The following SLC22A15 variants were observed in gnomAD, a reference collection of about 807,000 sequenced individuals.
SLC22A15 encodes flipt 1.
SLC22A15 carries 45 observed loss-of-function variants against 62.7 expected under a neutral mutation model. The ratio of observed to expected loss-of-function variants is 0.72; its 90% CI spans 0.56 to 0.92. SLC22A15 has a LOEUF of 0.92. SLC22A15 is among the 40% of genes least tolerant of loss of function. SLC22A15 has a pLI of 0.00. For missense variants in SLC22A15, 622 were observed against 665.6 expected, an observed-to-expected ratio of 0.93 and a Z score of 0.72; for synonymous variants, 264 against 267.0, an observed-to-expected ratio of 0.99 and a Z score of 0.11.
At chr1:115,996,531 A>C (rs1655434435) in intron 2 of SLC22A15, among the ~76,000 whole-genome samples, 1 of 149,024 alleles carries the variant, frequency 6.7e-6, no homozygotes, top group Admixed American at 6.7e-5. Context: ...ATGTTTTTAG[A>C]TTCATTAGGT....
intron 2 of SLC22A15, 81 bp downstream of exon 2, chr1:115,992,324 A>G: frequency 2.6e-6 from 3 of 1,172,458 alleles, no homozygotes; most frequent in Non-Finnish European, 3.6e-6. Context: ...TGCTGATTTA[A>G]ATATCAGCCA....
At chr1:116,029,606 G>A (rs987920089) in intron 5 of SLC22A15, among the ~76,000 whole-genome samples, 3 of 152,132 alleles carry the variant, frequency 2.0e-5, no homozygotes, top group South Asian at 2.1e-4. Flanking sequence ...ATATAAGACC[G>A]TAAGTTTTCA....
intron 8 of SLC22A15, among the ~76,000 whole-genome samples, chr1:116,038,209 G>A (rs1197813421): frequency 6.6e-6 from 1 of 152,164 alleles, no homozygotes; most frequent in African/African-American, 2.4e-5. Flanking sequence ...GATTTTGATA[G>A]GGTTCTGTTA....
At chr1:115,987,452 AG>A (rs1654928729) in intron 1 of SLC22A15, among the ~76,000 whole-genome samples, 1 of 152,048 alleles carries the variant, frequency 6.6e-6, no homozygotes, top group South Asian at 2.1e-4. Context: ...GCATGAGTCC[AG>A]CCAATGTAGA....
At chr1:116,012,459 T>A (rs1039361788) in intron 2 of SLC22A15, among the ~76,000 whole-genome samples, 1 of 152,144 alleles carries the variant, frequency 6.6e-6, no homozygotes. Flanking sequence ...TGTGCTCTAA[T>A]ACAGTAGGGA....
chr1:116,061,449 T>A (rs2101568657), intron 8 of SLC22A15, among the ~76,000 whole-genome samples: 1 of 152,258 alleles, frequency 6.6e-6, no homozygotes, highest in South Asian at 2.1e-4. Context: ...AGGACATTGC[T>A]GCTGACCTTC....
At chr1:116,012,866 G>C (rs1656341242) in intron 2 of SLC22A15, among the ~76,000 whole-genome samples, 3 of 152,152 alleles carry the variant, frequency 2.0e-5, no homozygotes, top group Non-Finnish European at 4.4e-5. Context: ...AGTGTGGAAG[G>C]ATCCTCTTTC....
intron 8 of SLC22A15, among the ~76,000 whole-genome samples, chr1:116,055,283 G>A (rs1346742333): frequency 3.9e-5 from 6 of 152,146 alleles, no homozygotes; most frequent in Non-Finnish European, 4.4e-5. Context: ...ACACCTCTAC[G>A]CAAATAAACT....
At chr1:115,990,340 C>T (rs1336999646) in intron 1 of SLC22A15, among the ~76,000 whole-genome samples, 5 of 152,198 alleles carry the variant, frequency 3.3e-5, no homozygotes, top group Non-Finnish European at 4.4e-5. Context: ...ACGTGTGTTT[C>T]GAGTCCTCTC....
chr1:116,048,123 G>T (rs1657972568), intron 8 of SLC22A15, among the ~76,000 whole-genome samples: 1 of 152,160 alleles, frequency 6.6e-6, no homozygotes, highest in African/African-American at 2.4e-5. Context: ...GTGTTCCTGA[G>T]GAAGAAGAGA....
intron 8 of SLC22A15, among the ~76,000 whole-genome samples, chr1:116,058,071 A>ATAC (rs1289009132): frequency 2.0e-5 from 3 of 151,196 alleles, no homozygotes; most frequent in Non-Finnish European, 4.4e-5. Context: ...AATAATAATA[A>ATAC]TACTGAAAAA....
chr1:116,009,835 A>G (rs1232189751), intron 2 of SLC22A15, among the ~76,000 whole-genome samples: 1 of 152,232 alleles, frequency 6.6e-6, no homozygotes, highest in African/African-American at 2.4e-5. Context: ...AAGTTAAAAA[A>G]CAAATATGAA....
At chr1:116,014,579 A>G (rs1335342741) in intron 2 of SLC22A15, among the ~76,000 whole-genome samples, 1 of 152,148 alleles carries the variant, frequency 6.6e-6, no homozygotes, top group Non-Finnish European at 1.5e-5. Flanking sequence ...TGCTTTTTCA[A>G]TTTGCAAATG....
At chr1:116,043,181 T>TG (rs1325647009) in intron 8 of SLC22A15, among the ~76,000 whole-genome samples, 2 of 152,212 alleles carry the variant, frequency 1.3e-5, no homozygotes, top group Admixed American at 1.3e-4. Flanking sequence ...CCCAGCACTT[T>TG]GGGAGGCCAA....
At chr1:116,066,862 G>A (rs1344523813) in intron 11 of SLC22A15, among the ~76,000 whole-genome samples, 154 bp downstream of exon 11, 1 of 152,196 alleles carries the variant, frequency 6.6e-6, no homozygotes, top group African/African-American at 2.4e-5. Flanking sequence ...AAGGATGATC[G>A]ATGATTCATT....
chr1:116,033,647 A>G (rs1204186164), intron 6 of SLC22A15, among the ~76,000 whole-genome samples: 1 of 151,914 alleles, frequency 6.6e-6, no homozygotes, highest in East Asian at 1.9e-4. Flanking sequence ...CAGAAAACCA[A>G]CTGGGAAACA....
At chr1:116,058,299 G>A (rs1197308033) in intron 8 of SLC22A15, among the ~76,000 whole-genome samples, 2 of 151,992 alleles carry the variant, frequency 1.3e-5, no homozygotes, top group African/African-American at 2.4e-5. Context: ...ATCAAAAAGT[G>A]GGCGAAGAAC....
At position 116,019,689 on chromosome 1, in the gene SLC22A15, C is replaced by T. The variant is rs200436499; in HGVS notation, c.408C>T (p.Phe136=). 2.8e-5 allele frequency: 45 copies of T among 1,612,280 alleles called. No individual in the cohort carries two copies. Among genetic ancestry groups the T allele is most frequent in the Non-Finnish European group, 3.6e-5 (43 of 1,179,460 alleles). Residue 136 remains phenylalanine, a synonymous_variant, in exon 3 of 12, where the codon TTC becomes TTT. Coordinates refer to ENST00000369503, the MANE Select transcript of SLC22A15 (RefSeq NM_018420.3). The part of the protein sequence containing the change: ...VISFGQLSDR[F]GRKKVYLTGF... ...CTTTTGGTCAGCTTTCAGATCGCTT[C>T]GGAAGGAAAAAAGTCTATCTCACAG...
In SLC22A15 at chr1:116,042,441, A is replaced by G. The variant is rs376735824; in HGVS notation, c.1171+5053A>G. ...GATCAGTTAAAGACATAAAAAAACT[A>G]TACAACATGAAACAAAAAAATTGAA... On this transcript the variant is annotated intron_variant, in intron 8 of 11. Coordinates refer to ENST00000369503, the MANE Select transcript of SLC22A15 (RefSeq NM_018420.3). 1.1e-4 allele frequency among the ~76,000 whole-genome samples: 17 copies of G among 152,214 alleles called. No individual in the cohort carries two copies. In the East Asian group the frequency reaches 3.1e-3, roughly 28 times the overall value.
Sources: gnomAD v4.1 joint callset for allele counts (sites outside exome capture counted in the v4.1 genomes callset) on GRCh38, gnomAD v4.1.1 for gene constraint, MANE v1.5 for transcripts, NCBI Gene and HGNC (gene_info 2026-07-23, HGNC 2026-07-21) for gene names.